The following TMEM132D variants were observed in gnomAD, a reference collection of about 807,000 sequenced individuals.
TMEM132D encodes mature OL transmembrane protein.
Under a neutral mutation model 62.3 loss-of-function variants are expected in TMEM132D, and 21 were observed. The ratio of observed to expected loss-of-function variants is 0.34; its 90% CI spans 0.24 to 0.49. The LOEUF (loss-of-function observed/expected upper bound fraction) is 0.49, where lower values mean the gene tolerates loss of function less well. Among genes scored for constraint, TMEM132D ranks in the 20% least tolerant of loss-of-function variants. TMEM132D has a pLI of 0.99. For synonymous variants in TMEM132D, 621 were observed against 575.6 expected, an observed-to-expected ratio of 1.08 and a Z score of -1.13; for missense variants, 1,346 against 1,402.8, an observed-to-expected ratio of 0.96 and a Z score of 0.65.
At chr12:129,563,698 A>G (rs1170352364) in intron 2 of TMEM132D, among the ~76,000 whole-genome samples, 4 of 152,214 alleles carry the variant, frequency 2.6e-5, no homozygotes, top group Non-Finnish European at 1.5e-5. Flanking sequence ...GGCTGGAAGA[A>G]GATCTGGGAT....
intron 5 of TMEM132D, among the ~76,000 whole-genome samples, chr12:129,092,471 G>A (rs1874957726): frequency 1.3e-5 from 2 of 151,926 alleles, no homozygotes; most frequent in South Asian, 4.2e-4. Flanking sequence ...TAAAAATGTG[G>A]ATCACCTGAG....
At chr12:129,739,275 C>T (rs752892960) in intron 1 of TMEM132D, among the ~76,000 whole-genome samples, 104 of 152,294 alleles carry the variant, frequency 6.8e-4, no homozygotes, top group African/African-American at 2.2e-3. Context: ...TCCAACTTCA[C>T]GCTCAGGGAA....
intron 1 of TMEM132D, among the ~76,000 whole-genome samples, chr12:129,740,556 G>T (rs1869570303): frequency 6.6e-6 from 1 of 152,156 alleles, no homozygotes; most frequent in African/African-American, 2.4e-5. Flanking sequence ...TCAGGTGTAA[G>T]TATCTTTAAT....
At chr12:129,332,170 C>T (rs1869126434) in intron 4 of TMEM132D, among the ~76,000 whole-genome samples, 3 of 152,126 alleles carry the variant, frequency 2.0e-5, no homozygotes, top group African/African-American at 7.2e-5. Flanking sequence ...CTTTAATGAC[C>T]TTTTCCCTCA....
intron 5 of TMEM132D, among the ~76,000 whole-genome samples, chr12:129,146,076 CTTTT>C (rs10714658): frequency 6.7e-6 from 1 of 149,520 alleles, no homozygotes; most frequent in African/African-American, 2.4e-5. Context: ...CCATACTGAT[CTTTT>C]TTTTTTTTCT....
At chr12:129,496,764 C>T (rs1373091021) in intron 3 of TMEM132D, among the ~76,000 whole-genome samples, 3 of 152,020 alleles carry the variant, frequency 2.0e-5, no homozygotes, top group Admixed American at 6.5e-5. Flanking sequence ...ACCTATGGAC[C>T]GAACCAGAAG....
At chr12:129,189,536 G>A (rs1878324232) in intron 5 of TMEM132D, among the ~76,000 whole-genome samples, 1 of 152,082 alleles carries the variant, frequency 6.6e-6, no homozygotes, top group African/African-American at 2.4e-5. Flanking sequence ...CTGTGGCCTG[G>A]AGAGCTGCCC....
At chr12:129,217,688 G>T (rs2135571707) in intron 4 of TMEM132D, among the ~76,000 whole-genome samples, 1 of 150,692 alleles carries the variant, frequency 6.6e-6, no homozygotes, top group African/African-American at 2.4e-5. Context: ...AAAGCTAACT[G>T]GCCCATTAAG....
intron 1 of TMEM132D, among the ~76,000 whole-genome samples, chr12:129,823,218 G>C (rs1872581843): frequency 6.6e-6 from 1 of 152,172 alleles, no homozygotes; most frequent in Non-Finnish European, 1.5e-5. Flanking sequence ...TGTACAACCT[G>C]CAGAACTGTG....
chr12:129,375,503 A>C (rs1286607197), intron 3 of TMEM132D, among the ~76,000 whole-genome samples: 1 of 152,196 alleles, frequency 6.6e-6, no homozygotes, highest in Non-Finnish European at 1.5e-5. Flanking sequence ...ATTTTAAAAA[A>C]TTCCTCCTAT....
intron 2 of TMEM132D, among the ~76,000 whole-genome samples, chr12:129,699,570 C>T (rs1881322462): frequency 6.7e-6 from 1 of 149,042 alleles, no homozygotes; most frequent in African/African-American, 2.6e-5. Context: ...CATCAGCAGC[C>T]CCCCGGCTGC....
intron 3 of TMEM132D, among the ~76,000 whole-genome samples, chr12:129,461,304 G>C (rs1309184526): frequency 6.6e-6 from 1 of 152,134 alleles, no homozygotes; most frequent in Non-Finnish European, 1.5e-5. Context: ...TGGGAACCAA[G>C]CCCAGGTATA....
At chr12:129,241,635 T>C (rs1879940287) in intron 4 of TMEM132D, among the ~76,000 whole-genome samples, 1 of 152,194 alleles carries the variant, frequency 6.6e-6, no homozygotes, top group Non-Finnish European at 1.5e-5. Context: ...TAAGCCAACC[T>C]CAACAATGAT....
chr12:129,220,918 C>A (rs537431346), intron 4 of TMEM132D, among the ~76,000 whole-genome samples: 1 of 151,878 alleles, frequency 6.6e-6, no homozygotes, highest in Non-Finnish European at 1.5e-5. Flanking sequence ...CAACAACCAC[C>A]CCTGGGATGG....
chr12:129,573,846 T>C (rs1371088211), intron 2 of TMEM132D, among the ~76,000 whole-genome samples: 1 of 149,740 alleles, frequency 6.7e-6, no homozygotes, highest in Admixed American at 6.6e-5. Context: ...CACAGAAGCG[T>C]GGATATTGTA....
At chr12:129,173,358 T>C (rs2135547457) in intron 5 of TMEM132D, among the ~76,000 whole-genome samples, 1 of 152,356 alleles carries the variant, frequency 6.6e-6, no homozygotes, top group East Asian at 1.9e-4. Context: ...TACGTTGTAC[T>C]CCCAGAAATA....
chr12:129,596,338 C>T (rs142152075), intron 2 of TMEM132D, among the ~76,000 whole-genome samples: 476 of 152,240 alleles, frequency 3.1e-3, no homozygotes, highest in Non-Finnish European at 5.0e-3. Flanking sequence ...CGATGTTCTT[C>T]TTCTTTTCCT....
chr12:129,390,519 C>G (rs1372914649), intron 3 of TMEM132D, among the ~76,000 whole-genome samples: 1 of 152,192 alleles, frequency 6.6e-6, no homozygotes, highest in Non-Finnish European at 1.5e-5. Flanking sequence ...AAAGGCCCAT[C>G]AACTCAACTT....
chr12:129,691,740 C>T (rs1002004400), intron 2 of TMEM132D, among the ~76,000 whole-genome samples: 2 of 152,016 alleles, frequency 1.3e-5, no homozygotes, highest in African/African-American at 2.4e-5. Context: ...CAACTATAAT[C>T]TTTCAATTTA....
Sources: allele counts gnomAD v4.1 joint callset (sites outside exome capture counted in the v4.1 genomes callset), GRCh38; gene constraint gnomAD v4.1.1; transcripts MANE v1.5; gene names NCBI Gene and HGNC (gene_info 2026-07-23, HGNC 2026-07-21).